UBE2Q2: variants seen among roughly 807,000 people sequenced by gnomAD.
UBE2Q2 encodes the protein ubiquitin conjugating enzyme E2 Q2, also known as ubiquitin-conjugating enzyme E2 Q2.
UBE2Q2 carries 54 observed loss-of-function variants against 59.9 expected under a neutral mutation model. The observed-to-expected ratio is 0.90, with a 90% CI of 0.72 to 1.13. The LOEUF is 1.13. Among genes scored for constraint, UBE2Q2 ranks in the 50% most tolerant of loss-of-function variants. The probability of loss-of-function intolerance (pLI) is 0.00; values close to 1 mark genes in which losing one functional copy is unlikely to be tolerated. For synonymous variants in UBE2Q2, 165 were observed against 155.2 expected, an observed-to-expected ratio of 1.06 and a Z score of -0.47; for missense variants, 433 against 441.9, an observed-to-expected ratio of 0.98 and a Z score of 0.18.
chr15:75,875,582 A>T (rs931085356), intron 5 of UBE2Q2, among the ~76,000 whole-genome samples: 5 of 152,178 alleles, frequency 3.3e-5, no homozygotes, highest in African/African-American at 7.2e-5. Flanking sequence ...GTATTTTCAA[A>T]AATTGCTGGG....
At chr15:75,863,705 C>T (rs1347424895) in intron 3 of UBE2Q2, among the ~76,000 whole-genome samples, 2 of 151,170 alleles carry the variant, frequency 1.3e-5, no homozygotes, top group East Asian at 1.9e-4. Flanking sequence ...TGCAATGGTG[C>T]GATCTTGGCT....
chr15:75,858,929 G>A (rs1285957999), intron 2 of UBE2Q2, among the ~76,000 whole-genome samples: 3 of 152,098 alleles, frequency 2.0e-5, no homozygotes, highest in East Asian at 3.9e-4. Context: ...TCTTTGCTTC[G>A]TTAACCCATT....
Position 75,859,898 on chromosome 15 carries a change from G to T in UBE2Q2, c.303G>T (p.Trp101Cys). Reference sequence around the variant, plus strand: ...TGTAGCTTCGTCAGCAATTGAAGTGGTTGATATGTGAACTCTGCAGTTTAT... The same window carrying T: ...TGTAGCTTCGTCAGCAATTGAAGTGTTTGATATGTGAACTCTGCAGTTTAT... ...NNNLLRQQLK[W>C]LICELCSLYN... The change falls in exon 3 of 13, where the codon TGG (tryptophan) becomes TGT (cysteine). Residue 101 changes from tryptophan (W) to cysteine (C), a missense_variant. Trp to Cys is a radical substitution (Grantham distance 215, BLOSUM62 -2). Transcript: ENST00000267938. The T allele has an allele frequency of 1.9e-6, 3 of 1,596,136 alleles. No homozygotes were observed. The highest frequency in any genetic ancestry group is 1.7e-6 in the Non-Finnish European group (2 of 1,175,008).
rs915905240 is a variant in UBE2Q2, at chr15:75,899,857, G to C, written c.*399G>C. The C allele has an allele frequency of 6.5e-6, 1 of 153,920 alleles. No individual in the cohort carries two copies. Among genetic ancestry groups the C allele is most frequent in the Non-Finnish European group, 1.4e-5 (1 of 68,980 alleles). 9.5% of individuals were successfully genotyped at this position (153,920 alleles called of 1,614,324 possible). The stretch of plus-strand genomic sequence containing the variant: ...TATTGTTCCATTTACAGCCAATACA[G>C]GTTTAATCGATGTTCAATATTGGTT... On this transcript the variant is annotated 3_prime_UTR_variant, in exon 13 of 13. Transcript: ENST00000267938.
intron 3 of UBE2Q2, among the ~76,000 whole-genome samples, chr15:75,866,960 T>C (rs888224818): frequency 2.6e-5 from 4 of 152,234 alleles, no homozygotes; most frequent in African/African-American, 9.6e-5. Context: ...GATTGCTAAT[T>C]TTCTTCAGCT....
At chr15:75,868,495 G>A (rs117234254) in intron 3 of UBE2Q2, among the ~76,000 whole-genome samples, 1,637 of 152,256 alleles carry the variant, frequency 0.011, 24 homozygotes, top group Middle Eastern at 0.051. Flanking sequence ...TAACACATCT[G>A]ACTGTTCAAA....
chr15:75,895,772 C>CAGAT (rs1233834994), intron 11 of UBE2Q2, among the ~76,000 whole-genome samples: 1 of 152,042 alleles, frequency 6.6e-6, no homozygotes, highest in Non-Finnish European at 1.5e-5. Context: ...GGCACTCTTA[C>CAGAT]AGATGGCTGG....
intron 5 of UBE2Q2, among the ~76,000 whole-genome samples, chr15:75,874,774 GGAAA>G (rs1897984367): frequency 6.6e-6 from 1 of 152,124 alleles, no homozygotes; most frequent in Non-Finnish European, 1.5e-5. Context: ...CTCAGAGTAG[GGAAA>G]CATCAAATGA....
chr15:75,882,268 G>A (rs1173842957), intron 8 of UBE2Q2, among the ~76,000 whole-genome samples: 1 of 152,140 alleles, frequency 6.6e-6, no homozygotes, highest in Non-Finnish European at 1.5e-5. Context: ...GAGTCTGAGA[G>A]TCTGTTTCTG....
chr15:75,889,535 T>TG (rs1567041388), intron 9 of UBE2Q2, among the ~76,000 whole-genome samples: 1 of 152,044 alleles, frequency 6.6e-6, no homozygotes, highest in South Asian at 2.1e-4. Flanking sequence ...GCAAGTCTTC[T>TG]GGGGGGAAAT....
In UBE2Q2 at chr15:75,843,875, G is replaced by A. The variant is rs1332161263; in HGVS notation, c.180+29G>A. On this transcript the variant is annotated intron_variant, in intron 1 of 12. Coordinates refer to ENST00000267938, the MANE Select transcript of UBE2Q2 (RefSeq NM_173469.4). ...AGGCGCCCGGCCGCGGCCCCGCGGG[G>A]CAGGGCGAGGACGGAGAGGGGGCGC... The A allele has an allele frequency of 3.3e-6, 5 of 1,532,258 alleles. No homozygotes were observed. In the African/African-American group the frequency reaches 4.2e-5, roughly 13 times the overall value. The allele number at this position is 1,532,258 out of a possible 1,614,324, so 94.9% of individuals were successfully genotyped here.
Position 75,899,413 on chromosome 15 carries a change from T to TC in UBE2Q2, c.1097-13dup, listed in dbSNP as rs777206393. 2.6e-6 allele frequency: 4 copies of TC among 1,562,660 alleles called. No individual in the cohort carries two copies. The African/African-American group carries it at 4.2e-5, about 16-fold the overall frequency. On this transcript the variant is annotated splice_polypyrimidine_tract_variant and intron_variant, in intron 12 of 12. Transcript: ENST00000267938. ...AAGAATTATTTTAACTTTTTTTTTTTCATTCTATTTCAGGCTGGTACACCC... is the reference window on the plus strand; with the variant it reads ...AAGAATTATTTTAACTTTTTTTTTTTCCATTCTATTTCAGGCTGGTACACCC...
chr15:75,877,033 G>T (rs936054772), intron 6 of UBE2Q2, among the ~76,000 whole-genome samples: 8 of 151,864 alleles, frequency 5.3e-5, no homozygotes, highest in African/African-American at 1.9e-4. Flanking sequence ...GGTGGCGCAC[G>T]CCTGGTGATC....
chr15:75,899,252 GTA>G (rs1452849060), intron 12 of UBE2Q2, among the ~76,000 whole-genome samples, 173 bp from the exon 13 acceptor site: 9 of 150,432 alleles, frequency 6.0e-5, no homozygotes. Flanking sequence ...TCCAGCCTAG[GTA>G]ACAGAGTGAA....
At position 75,899,416 on chromosome 15, in the gene UBE2Q2, T is replaced by C. The variant is rs1411298967; in HGVS notation, c.1097-11T>C. 5 of 1,568,516 alleles carry C rather than the reference T, an allele frequency of 3.2e-6. No individual in the cohort carries two copies. The highest frequency in any genetic ancestry group is 1.9e-5 in the Admixed American group (1 of 53,446). On this transcript the variant is annotated splice_polypyrimidine_tract_variant and intron_variant, in intron 12 of 12. Transcript: ENST00000267938. ...AATTATTTTAACTTTTTTTTTTTCA[T>C]TCTATTTCAGGCTGGTACACCCCTC...
chr15:75,865,302 G>A (rs772584709), intron 3 of UBE2Q2, among the ~76,000 whole-genome samples: 12 of 152,036 alleles, frequency 7.9e-5, no homozygotes, highest in South Asian at 2.1e-4. Context: ...GTATTTTTTC[G>A]TACCTTTGTT....
intron 3 of UBE2Q2, among the ~76,000 whole-genome samples, chr15:75,860,486 T>C (rs1458402162): frequency 6.6e-6 from 1 of 152,156 alleles, no homozygotes; most frequent in East Asian, 1.9e-4. Flanking sequence ...ATTTAGCTCT[T>C]ATACCACCCA....
intron 8 of UBE2Q2, among the ~76,000 whole-genome samples, chr15:75,882,084 G>T (rs1013475390): frequency 1.3e-5 from 2 of 152,080 alleles, no homozygotes; most frequent in Non-Finnish European, 2.9e-5. Flanking sequence ...GTGAATGCAG[G>T]GCATGAAACT....
chr15:75,890,901 T>TA lies in UBE2Q2; in HGVS notation c.934-17dup. 1.2e-6 allele frequency: 2 copies of TA among 1,606,638 alleles called. No homozygotes were observed. The highest frequency in any genetic ancestry group is 1.7e-6 in the Non-Finnish European group (2 of 1,173,914). On this transcript the variant is annotated splice_polypyrimidine_tract_variant and intron_variant, in intron 10 of 12. Coordinates refer to ENST00000267938, the MANE Select transcript of UBE2Q2 (RefSeq NM_173469.4). ...CAGAAATACTACTGTATTTTAGAGATACTTTGTTCTTCTGTAGGGCTGGAG... is the reference window on the plus strand; with the variant it reads ...CAGAAATACTACTGTATTTTAGAGATAACTTTGTTCTTCTGTAGGGCTGGAG...
Sources: allele counts gnomAD v4.1 joint callset (sites outside exome capture counted in the v4.1 genomes callset), GRCh38; gene constraint gnomAD v4.1.1; transcripts MANE v1.5; gene names NCBI Gene and HGNC (gene_info 2026-07-23, HGNC 2026-07-21).